Variants in LRBA observed in about 807,000 individuals in gnomAD.
LRBA encodes the protein LPS responsive beige-like anchor protein.
A neutral mutation model predicts 330.0 loss-of-function variants in LRBA; 176 were observed. The observed-to-expected ratio is 0.53, with a 90% CI of 0.47 to 0.60. The LOEUF (loss-of-function observed/expected upper bound fraction) is 0.60, where lower values mean the gene tolerates loss of function less well. Among genes scored for constraint, LRBA ranks in the 20% least tolerant of loss-of-function variants. The probability of loss-of-function intolerance (pLI) is 0.00; values close to 1 mark genes in which losing one functional copy is unlikely to be tolerated. For missense variants in LRBA, 3,259 were observed against 3,444.8 expected, an observed-to-expected ratio of 0.95 and a Z score of 1.35; for synonymous variants, 1,230 against 1,193.0, an observed-to-expected ratio of 1.03 and a Z score of -0.64.
In LRBA at chr4:150,850,880, G is replaced by T; in HGVS notation, c.3848C>A (p.Pro1283Gln). ...VLEISRQHEQ[P>Q]GQGIAPDAVN... ...TGCATCTGGTGCTATTCCTTGCCCT[G>T]GCTGCTCATGTTGCCTTGATATCTA... Residue 1283 changes from proline (P) to glutamine (Q), a missense_variant, in exon 24 of 57, where the codon CCA (proline) becomes CAA (glutamine). Transcript: ENST00000651943. The T allele has an allele frequency of 6.2e-7, 1 of 1,609,744 alleles. No individual in the cohort carries two copies. The highest frequency in any genetic ancestry group is 1.1e-5 in the South Asian group (1 of 89,916).
At chr4:150,705,821 A>G (rs62346295) in intron 36 of LRBA, among the ~76,000 whole-genome samples, 13,475 of 152,014 alleles carry the variant, frequency 0.089, 1,034 homozygotes, top group African/African-American at 0.22. Context: ...TATATACTTC[A>G]GATCAAAGGC....
chr4:150,437,184 C>T (rs1751223380), intron 44 of LRBA, among the ~76,000 whole-genome samples: 1 of 151,964 alleles, frequency 6.6e-6, no homozygotes, highest in Non-Finnish European at 1.5e-5. Flanking sequence ...CTGTACAACA[C>T]TTTGGAAAGC....
In LRBA at chr4:150,435,027, T is replaced by C. The variant is rs191389190; in HGVS notation, c.7041+562A>G. On this transcript the variant is annotated intron_variant, in intron 46 of 56. Transcript: ENST00000651943. ...GAGAGAGAGGAAGGAGAGATTCTGA[T>C]AGAGGAGAGACAGTCATGTAGAACT... 2.2e-3 allele frequency among the ~76,000 whole-genome samples: 337 copies of C among 151,650 alleles called. 1 individual carries two copies. The highest frequency in any genetic ancestry group is 5.1e-3 in the African/African-American group (211 of 41,354).
At chr4:150,586,764 A>G (rs559199243) in intron 40 of LRBA, among the ~76,000 whole-genome samples, 17 of 152,320 alleles carry the variant, frequency 1.1e-4, no homozygotes, top group Admixed American at 3.9e-4. Context: ...AGAACAATTA[A>G]TTAGACACTT....
chr4:150,313,194 A>G (rs561545743), intron 51 of LRBA, among the ~76,000 whole-genome samples: 2 of 152,258 alleles, frequency 1.3e-5, no homozygotes, highest in South Asian at 4.1e-4. Flanking sequence ...GAAAATATAA[A>G]TTCAAGATAA....
intron 36 of LRBA, among the ~76,000 whole-genome samples, chr4:150,715,174 C>A (rs576431523): frequency 6.6e-6 from 1 of 152,160 alleles, no homozygotes; most frequent in Non-Finnish European, 1.5e-5. Flanking sequence ...CACAATCAGA[C>A]CTCGTATTGA....
At chr4:150,814,130 G>T (rs2126752748) in intron 31 of LRBA, among the ~76,000 whole-genome samples, 1 of 152,132 alleles carries the variant, frequency 6.6e-6, no homozygotes, top group South Asian at 2.1e-4. Context: ...AATGTGTATT[G>T]CTTTCACACC....
chr4:151,014,495 C>G lies in LRBA; in HGVS notation c.148G>C (p.Val50Leu). 1 of 1,614,218 alleles carries G rather than the reference C, an allele frequency of 6.2e-7. No individual in the cohort carries two copies. Among genetic ancestry groups the G allele is most frequent in the Non-Finnish European group, 8.5e-7 (1 of 1,180,030 alleles). Reference sequence around the variant, plus strand: ...CCAACTTCAACCAAACCGGTCAACACGGCAAATTTCATTCTGATGCCCCTG... The same window carrying G: ...CCAACTTCAACCAAACCGGTCAACAGGGCAAATTTCATTCTGATGCCCCTG... The part of the protein sequence containing the change: ...PIRGIRMKFA[V>L]LTGLVEVGEV... Residue 50 changes from valine to leucine, a missense_variant, in exon 2 of 57, where the codon GTG becomes CTG. Val to Leu is a conservative substitution (Grantham distance 32). Transcript: ENST00000651943.
At chr4:150,439,599 A>G (rs1332864444) in intron 44 of LRBA, among the ~76,000 whole-genome samples, 1 of 152,214 alleles carries the variant, frequency 6.6e-6, no homozygotes, top group East Asian at 1.9e-4. Context: ...TGAATTATAC[A>G]TTACGCGAAA....
chr4:150,531,618 C>CA (rs1250302643), intron 40 of LRBA, among the ~76,000 whole-genome samples: 1 of 152,140 alleles, frequency 6.6e-6, no homozygotes, highest in Non-Finnish European at 1.5e-5. Flanking sequence ...TAGCATGTAA[C>CA]AGGCACTCAA....
chr4:150,666,127 TG>T (rs756560051), intron 37 of LRBA, among the ~76,000 whole-genome samples: 8 of 152,206 alleles, frequency 5.3e-5, no homozygotes, highest in Non-Finnish European at 1.0e-4. Context: ...GATGGTTTCA[TG>T]GATAGACATA....
chr4:150,623,693 G>A (rs1354871865), intron 37 of LRBA, among the ~76,000 whole-genome samples: 2 of 151,712 alleles, frequency 1.3e-5, no homozygotes, highest in Non-Finnish European at 2.9e-5. Context: ...ATTTTACAAT[G>A]AGAATGCATT....
At chr4:150,303,285 C>G (rs1038589259) in intron 52 of LRBA, among the ~76,000 whole-genome samples, 10 of 152,170 alleles carry the variant, frequency 6.6e-5, no homozygotes, top group Non-Finnish European at 8.8e-5. Flanking sequence ...GTGATCTATA[C>G]AAAGACAATA....
intron 37 of LRBA, among the ~76,000 whole-genome samples, chr4:150,652,050 C>T (rs1418575034): frequency 6.6e-6 from 1 of 152,074 alleles, no homozygotes; most frequent in African/African-American, 2.4e-5. Flanking sequence ...TGCCATGTTG[C>T]CCAAGCTGGT....
At chr4:150,533,073 CA>C (rs1358532903) in intron 40 of LRBA, among the ~76,000 whole-genome samples, 1 of 152,032 alleles carries the variant, frequency 6.6e-6, no homozygotes, top group Non-Finnish European at 1.5e-5. Flanking sequence ...ATCTTTCTAC[CA>C]TCCTGAAAAA....
At chr4:150,436,165 C>T (rs932536059) in intron 45 of LRBA, among the ~76,000 whole-genome samples, 3 of 152,138 alleles carry the variant, frequency 2.0e-5, no homozygotes. Context: ...TTGAAATTAG[C>T]TAAGCACTAT....
At chr4:151,005,369 C>T (rs1322080774) in intron 2 of LRBA, among the ~76,000 whole-genome samples, 6 of 118,986 alleles carry the variant, frequency 5.0e-5, no homozygotes, top group East Asian at 6.0e-4. Context: ...ACCCGGGAGG[C>T]GGAGGTTGCA....
intron 37 of LRBA, among the ~76,000 whole-genome samples, chr4:150,628,204 G>A (rs1219202987): frequency 6.6e-6 from 1 of 152,070 alleles, no homozygotes; most frequent in Non-Finnish European, 1.5e-5. Flanking sequence ...CACATTAATA[G>A]AATCTTTCTG....
chr4:150,913,473 AAAG>A (rs771821175), intron 9 of LRBA, among the ~76,000 whole-genome samples: 26 of 152,292 alleles, frequency 1.7e-4, no homozygotes, highest in African/African-American at 4.3e-4. Flanking sequence ...ACCTCAAAAA[AAAG>A]AAGAAGAAGA....
Sources: gnomAD v4.1 joint callset for allele counts (sites outside exome capture counted in the v4.1 genomes callset) on GRCh38, gnomAD v4.1.1 for gene constraint, MANE v1.5 for transcripts, NCBI Gene and HGNC (gene_info 2026-07-23, HGNC 2026-07-21) for gene names.